The following GRK5 variants were observed in gnomAD, a reference collection of about 807,000 sequenced individuals.
GRK5 encodes the protein G protein-coupled receptor kinase 5, also known as g protein-coupled receptor kinase GRK5.
GRK5 carries 40 observed loss-of-function variants against 78.4 expected under a neutral mutation model. That is an observed-to-expected ratio of 0.51 (90% CI 0.40 to 0.66). The LOEUF (loss-of-function observed/expected upper bound fraction) is 0.66, where lower values mean the gene tolerates loss of function less well. GRK5 is among the 30% of genes least tolerant of loss of function. The pLI, the probability that GRK5 is intolerant of heterozygous loss-of-function variation, is 0.00. For missense variants in GRK5, 598 were observed against 759.9 expected, an observed-to-expected ratio of 0.79 and a Z score of 2.50; for synonymous variants, 289 against 296.8, an observed-to-expected ratio of 0.97 and a Z score of 0.27.
rs1853319521 is a variant in GRK5 at position 119,452,877 on chromosome 10, GGGAATATGAGTTTGGCGGCA to G, written c.1542+73_1542+92del. 1 of 1,486,638 alleles carries G rather than the reference GGGAATATGAGTTTGGCGGCA, an allele frequency of 6.7e-7. No homozygotes were observed. The highest frequency in any genetic ancestry group is 1.8e-5 in the Admixed American group (1 of 56,240). The allele number at this position is 1,486,638 out of a possible 1,614,324, so 92.1% of individuals were successfully genotyped here. On this transcript the variant is annotated intron_variant, in intron 14 of 15. Transcript: ENST00000392870. This position sits in a 1 kb window ranked among gnomAD's most constrained non-coding sequence, Gnocchi z 4.4. ...GGACTGACGGGTGGAAGGAGGCGTC[GGGAATATGAGTTTGGCGGCA>G]GGAGGCTGAGCGCATGGTTTCTGTT... is the stretch of plus-strand genomic sequence containing the variant.
intron 4 of GRK5, among the ~76,000 whole-genome samples, chr10:119,408,238 G>A (rs1852276178): frequency 6.7e-6 from 1 of 148,918 alleles, no homozygotes; most frequent in Non-Finnish European, 1.5e-5. Context: ...TACACAGGAA[G>A]CTGAGGTGGG....
At chr10:119,404,890 A>G (rs1215804143) in intron 4 of GRK5, among the ~76,000 whole-genome samples, 1 of 152,168 alleles carries the variant, frequency 6.6e-6, no homozygotes, top group African/African-American at 2.4e-5. Context: ...TAGTGTACCC[A>G]TTTTACAGAT....
chr10:119,301,587 G>T (rs530191355), intron 1 of GRK5, among the ~76,000 whole-genome samples: 8 of 152,314 alleles, frequency 5.3e-5, no homozygotes, highest in Non-Finnish European at 1.0e-4. Context: ...TGGCTGCTGA[G>T]GAAGTGACTT....
At chr10:119,407,253 TAAAG>T (rs1281211753) in intron 4 of GRK5, among the ~76,000 whole-genome samples, 1 of 152,184 alleles carries the variant, frequency 6.6e-6, no homozygotes, top group Non-Finnish European at 1.5e-5. Context: ...ATTTCCTAGA[TAAAG>T]AAACTGAGGC....
At position 119,431,591 on chromosome 10, in the gene GRK5, C is replaced by T. The variant is rs548292082; in HGVS notation, c.738+64C>T. 7.7e-6 allele frequency: 12 copies of T among 1,564,970 alleles called. No individual in the cohort carries two copies. The highest frequency in any genetic ancestry group is 4.6e-5 in the East Asian group (2 of 43,690). On this transcript the variant is annotated intron_variant, in intron 8 of 15. Coordinates refer to ENST00000392870, the MANE Select transcript of GRK5 (RefSeq NM_005308.3). The surrounding 1 kb of genome is among the most constrained non-coding windows in gnomAD (Gnocchi z 4.8). The stretch of plus-strand genomic sequence containing the variant: ...CTGTGGACTGGGGCTTCCCTCCCTC[C>T]GGAAGGGCGTGGTCCTCTAATGCGG...
intron 2 of GRK5, among the ~76,000 whole-genome samples, chr10:119,369,792 A>C (rs944709824): frequency 1.1e-4 from 17 of 152,102 alleles, no homozygotes; most frequent in African/African-American, 4.1e-4. Context: ...GGCTCAGAGC[A>C]CAGTGCTTTG....
intron 2 of GRK5, among the ~76,000 whole-genome samples, chr10:119,354,452 A>C (rs1851235730): frequency 8.3e-6 from 1 of 121,058 alleles, no homozygotes; most frequent in African/African-American, 3.2e-5. Flanking sequence ...CTCAGGCTGG[A>C]GTGCAGTGGC....
intron 1 of GRK5, among the ~76,000 whole-genome samples, chr10:119,273,883 C>T (rs1849625600): frequency 6.6e-6 from 1 of 152,118 alleles, no homozygotes; most frequent in Admixed American, 6.5e-5. Context: ...AAATGATTCT[C>T]CTGCCTCAGC....
chr10:119,221,250 C>T lies in GRK5; in HGVS notation c.52+13281C>T, dbSNP rs1025828545. On this transcript the variant is annotated intron_variant, in intron 1 of 15. Transcript: ENST00000392870. ...AATCCCACCACTCAGAAATAATTAG[C>T]GTCAGCATGTAGGTGAACGTTTTCC... Among the ~76,000 whole-genome samples, 15 of 152,284 alleles carry T rather than the reference C, an allele frequency of 9.9e-5. 1 individual carries two copies. The East Asian group carries it at 2.5e-3, about 25-fold the overall frequency.
intron 4 of GRK5, among the ~76,000 whole-genome samples, chr10:119,401,421 C>T (rs986433076): frequency 6.6e-6 from 1 of 152,164 alleles, no homozygotes; most frequent in Non-Finnish European, 1.5e-5. Context: ...CAAGGGTGGG[C>T]TTGGAAGGGG....
intron 1 of GRK5, among the ~76,000 whole-genome samples, chr10:119,325,481 C>T (rs971537735): frequency 3.9e-5 from 6 of 152,092 alleles, no homozygotes; most frequent in African/African-American, 1.2e-4. Context: ...TGCATACCCA[C>T]CCGGAGCAAG....
chr10:119,432,580 A>C (rs1399309371), intron 8 of GRK5, among the ~76,000 whole-genome samples: 2 of 152,264 alleles, frequency 1.3e-5, no homozygotes, highest in Admixed American at 1.3e-4. Context: ...TTATTCATGC[A>C]CAGGCTTTAT....
intron 1 of GRK5, among the ~76,000 whole-genome samples, chr10:119,213,383 C>T (rs1430503741): frequency 2.6e-5 from 4 of 151,898 alleles, no homozygotes; most frequent in East Asian, 1.9e-4. Flanking sequence ...TGGTGGTGCC[C>T]GCATGTAATC....
rs564322206 is a variant in GRK5 at position 119,455,181 on chromosome 10, G to A, written c.*114G>A. The A allele has an allele frequency of 1.2e-5, 10 of 844,392 alleles. No individual in the cohort carries two copies. Among genetic ancestry groups the A allele is most frequent in the African/African-American group, 5.0e-5 (3 of 60,050 alleles). The allele number at this position is 844,392 out of a possible 1,614,324, so 52.3% of individuals were successfully genotyped here. On this transcript the variant is annotated 3_prime_UTR_variant, in exon 16 of 16. Coordinates refer to ENST00000392870, the MANE Select transcript of GRK5 (RefSeq NM_005308.3). Reference sequence around the variant, plus strand: ...GCTGCCAGGGGAGACCCCGGGAGCCGGGGAAGGAGGCCGTCCATCCCGTCG... The same window carrying A: ...GCTGCCAGGGGAGACCCCGGGAGCCAGGGAAGGAGGCCGTCCATCCCGTCG...
chr10:119,286,316 A>G (rs964681934), intron 1 of GRK5, among the ~76,000 whole-genome samples: 2 of 152,272 alleles, frequency 1.3e-5, no homozygotes, highest in African/African-American at 4.8e-5. Flanking sequence ...AAGTGCTTTA[A>G]GTCCTTTGAA....
At chr10:119,261,375 T>C (rs575374827) in intron 1 of GRK5, among the ~76,000 whole-genome samples, 1 of 135,228 alleles carries the variant, frequency 7.4e-6, no homozygotes, top group Non-Finnish European at 1.6e-5. Flanking sequence ...ACTTCCTAGA[T>C]GGGATGGCGG....
At chr10:119,312,042 G>C (rs1023817583) in intron 1 of GRK5, among the ~76,000 whole-genome samples, 2 of 150,600 alleles carry the variant, frequency 1.3e-5, no homozygotes, top group Non-Finnish European at 1.5e-5. Context: ...TCAGCCTCCT[G>C]AGTAGCTGGG....
At chr10:119,432,444 T>C (rs1223438664) in intron 8 of GRK5, among the ~76,000 whole-genome samples, 1 of 152,130 alleles carries the variant, frequency 6.6e-6, no homozygotes, top group Non-Finnish European at 1.5e-5. Context: ...CAAGACCTCA[T>C]CTCTAAAACT....
Position 119,335,594 on chromosome 10 carries a change from C to T in GRK5, c.148+8983C>T, listed in dbSNP as rs1289507935. Among the ~76,000 whole-genome samples, 4 of 152,250 alleles carry T rather than the reference C, an allele frequency of 2.6e-5. No individual in the cohort carries two copies. The East Asian group carries it at 5.8e-4, about 22-fold the overall frequency. ...GCCAGGCTGGTCTCGAACTCCTGAC[C>T]TCATGTGATCCACCTGCCTTGGCCT... On this transcript the variant is annotated intron_variant, in intron 2 of 15. Transcript: ENST00000392870.
Sources: allele counts gnomAD v4.1 joint callset (sites outside exome capture counted in the v4.1 genomes callset), GRCh38; gene constraint gnomAD v4.1.1; non-coding constraint Gnocchi (gnomAD v3.1); transcripts MANE v1.5; gene names NCBI Gene and HGNC (gene_info 2026-07-23, HGNC 2026-07-21).